RBFOX1: variants seen among roughly 807,000 people sequenced by gnomAD.
RBFOX1 encodes RNA binding fox-1 homolog 1, also known as RNA binding protein fox-1 homolog 1.
RBFOX1 carries 8 observed loss-of-function variants against 57.7 expected under a neutral mutation model. That is an observed-to-expected ratio of 0.14 (90% confidence interval 0.08 to 0.25). The LOEUF (loss-of-function observed/expected upper bound fraction) is 0.25, where lower values mean the gene tolerates loss of function less well. RBFOX1 is among the 10% of genes least tolerant of loss of function. The probability of loss-of-function intolerance (pLI) is 1.00; values close to 1 mark genes in which losing one functional copy is unlikely to be tolerated. For synonymous variants in RBFOX1, 326 were observed against 222.4 expected (o/e 1.47, Z -4.15); for missense variants, 611 against 548.5 (o/e 1.11, Z -1.14).
At chr16:6,415,477 C>A (rs141747340) in intron 2 of RBFOX1, among the ~76,000 whole-genome samples, 1 of 151,524 alleles carries the variant, frequency 6.6e-6, no homozygotes, top group Non-Finnish European at 1.5e-5. Flanking sequence ...TCGAGGAGGG[C>A]GGATCACGAG....
chr16:7,117,279 C>T (rs2066125581), intron 4 of RBFOX1, among the ~76,000 whole-genome samples: 1 of 152,146 alleles, frequency 6.6e-6, no homozygotes, highest in South Asian at 2.1e-4. Flanking sequence ...AACAGCCTAG[C>T]TTATAAAGTT....
At chr16:5,973,179 A>G (rs2059996265) in intron 4 of RBFOX1, among the ~76,000 whole-genome samples, 1 of 152,184 alleles carries the variant, frequency 6.6e-6, no homozygotes, top group African/African-American at 2.4e-5. Flanking sequence ...AGTGGTGGAG[A>G]GAACTGGACT....
intron 3 of RBFOX1, among the ~76,000 whole-genome samples, chr16:6,716,070 A>G (rs62015933): frequency 0.019 from 2,883 of 152,302 alleles, 55 homozygotes; most frequent in Non-Finnish European, 0.027. Flanking sequence ...GTTGTACATG[A>G]TGGCCCTGGT....
At chr16:5,989,480 T>A (rs1433491498) in intron 4 of RBFOX1, among the ~76,000 whole-genome samples, 1 of 152,086 alleles carries the variant, frequency 6.6e-6, no homozygotes, top group Non-Finnish European at 1.5e-5. Context: ...TGGAGGCAAT[T>A]TTTAATGTTG....
intron 3 of RBFOX1, among the ~76,000 whole-genome samples, chr16:5,669,152 C>A (rs1241406135): frequency 1.3e-5 from 2 of 152,100 alleles, no homozygotes; most frequent in African/African-American, 4.8e-5. Flanking sequence ...GAGGGTTGGC[C>A]TTTACCCCTA....
chr16:7,659,592 G>T (rs1664261810), intron 12 of RBFOX1, among the ~76,000 whole-genome samples: 1 of 151,792 alleles, frequency 6.6e-6, no homozygotes, highest in South Asian at 2.1e-4. Context: ...AGCAAAAAAA[G>T]AAAAAAGAAA....
Position 5,869,695 on chromosome 16 carries a change from G to A in RBFOX1, c.351+2360G>A, listed in dbSNP as rs189809871. Among the ~76,000 whole-genome samples, 5 of 152,224 alleles carry A rather than the reference G, an allele frequency of 3.3e-5. No individual in the cohort carries two copies. The South Asian group carries it at 8.3e-4, about 25-fold the overall frequency. On this transcript the variant is annotated intron_variant, in intron 4 of 19. Transcript: ENST00000641259. ...TGGGATTACAGGCATGAGCCACCGC[G>A]CCCGGCTGTTCACAAGATATTTCTT...
intron 1 of RBFOX1, among the ~76,000 whole-genome samples, chr16:6,152,587 C>A (rs191904567): frequency 6.6e-6 from 1 of 152,252 alleles, no homozygotes; most frequent in African/African-American, 2.4e-5. Flanking sequence ...GAAATTGTTC[C>A]CTGTGGCAGG....
chr16:5,396,863 A>G (rs2066573803), intron 1 of RBFOX1, among the ~76,000 whole-genome samples: 1 of 152,194 alleles, frequency 6.6e-6, no homozygotes, highest in Non-Finnish European at 1.5e-5. Context: ...AAAGTGGTAA[A>G]TTGTTACCGT....
intron 4 of RBFOX1, among the ~76,000 whole-genome samples, chr16:7,091,112 T>G (rs527236592): frequency 9.9e-4 from 138 of 139,738 alleles, no homozygotes; most frequent in African/African-American, 3.4e-3. Context: ...TGTTTGACTT[T>G]ATAACCTTTT....
chr16:5,491,640 G>T (rs1157162526), intron 2 of RBFOX1, among the ~76,000 whole-genome samples: 3 of 152,206 alleles, frequency 2.0e-5, no homozygotes, highest in African/African-American at 7.2e-5. Context: ...TAGTGTTCAT[G>T]TGCCTTTCAA....
intron 3 of RBFOX1, among the ~76,000 whole-genome samples, chr16:5,658,153 A>G (rs2049516193): frequency 1.3e-5 from 2 of 152,202 alleles, no homozygotes; most frequent in Non-Finnish European, 2.9e-5. Context: ...TGATCCAGCA[A>G]GTGGAGTGAG....
rs183294077 is a variant in RBFOX1, at chr16:5,780,974, G to A, written c.319-86329G>A. Among the ~76,000 whole-genome samples, 6 of 152,298 alleles carry A rather than the reference G, an allele frequency of 3.9e-5. No individual in the cohort carries two copies. The East Asian group carries it at 5.8e-4, about 15-fold the overall frequency. ...AGTGTGACAAGCAGAACACCCTTGC[G>A]GGGTCCCGCTGGGAGAGGTGGAGGT... is the stretch of plus-strand genomic sequence containing the variant. On this transcript the variant is annotated intron_variant, in intron 3 of 19. Coordinates refer to the RBFOX1 transcript ENST00000641259.
chr16:5,409,331 C>G (rs1349247530), intron 1 of RBFOX1, among the ~76,000 whole-genome samples: 3 of 152,182 alleles, frequency 2.0e-5, no homozygotes. Flanking sequence ...GCTCACTGAC[C>G]TCCTTCAAGG....
intron 3 of RBFOX1, among the ~76,000 whole-genome samples, chr16:6,726,829 A>G (rs1013723146): frequency 1.3e-5 from 2 of 152,014 alleles, no homozygotes; most frequent in Non-Finnish European, 2.9e-5. Flanking sequence ...GTTTTAAGGA[A>G]CACCAAGTTC....
chr16:7,533,022 G>A (rs1204528545), intron 5 of RBFOX1, among the ~76,000 whole-genome samples: 1 of 152,160 alleles, frequency 6.6e-6, no homozygotes, highest in Non-Finnish European at 1.5e-5. Context: ...TTAAAAAATG[G>A]AAAAATCTAA....
chr16:7,078,249 GTTAGAAAAGCTGGT>G (rs991469134), intron 4 of RBFOX1, among the ~76,000 whole-genome samples: 6 of 152,166 alleles, frequency 3.9e-5, no homozygotes, highest in Non-Finnish European at 8.8e-5. Flanking sequence ...GTTTTTTGGT[GTTAGAAAAGCTGGT>G]TTAGAAACCA....
Position 5,771,076 on chromosome 16 carries a change from G to T in RBFOX1, c.319-96227G>T, listed in dbSNP as rs757226246. 1.3e-5 allele frequency among the ~76,000 whole-genome samples: 2 copies of T among 152,196 alleles called. 1 individual carries two copies. The highest frequency in any genetic ancestry group is 4.1e-4 in the South Asian group (2 of 4,832). On this transcript the variant is annotated intron_variant, in intron 3 of 19. Transcript: ENST00000641259. Reference sequence around the variant, plus strand: ...TGAGGCTGCCTCCCAGATCTACTGAGTCATAAACTGCATTTTAAACTGTGT... The same window carrying T: ...TGAGGCTGCCTCCCAGATCTACTGATTCATAAACTGCATTTTAAACTGTGT...
intron 3 of RBFOX1, among the ~76,000 whole-genome samples, chr16:6,691,235 A>G (rs950992168): frequency 3.9e-5 from 6 of 152,136 alleles, no homozygotes; most frequent in Admixed American, 2.0e-4. Context: ...TTCTGTCCCT[A>G]TAAAATTATT....
Sources: allele counts gnomAD v4.1 joint callset (sites outside exome capture counted in the v4.1 genomes callset), GRCh38; gene constraint gnomAD v4.1.1; transcripts MANE v1.5; gene names NCBI Gene and HGNC (gene_info 2026-07-23, HGNC 2026-07-21).